The following YBX3 variants were observed in gnomAD, a reference collection of about 807,000 sequenced individuals.
YBX3 encodes Y-box binding protein 3, also known as Y-box-binding protein 3.
Under a neutral mutation model 42.4 loss-of-function variants are expected in YBX3, and 29 were observed. That is an observed-to-expected ratio of 0.68 (90% CI 0.51 to 0.93). The LOEUF (loss-of-function observed/expected upper bound fraction) is 0.93, where lower values mean the gene tolerates loss of function less well. Ranked by LOEUF, YBX3 falls within the 40% of genes least tolerant of loss-of-function variation. The pLI is 0.00. For synonymous variants in YBX3, 195 were observed against 189.8 expected (o/e 1.03, Z -0.22); for missense variants, 517 against 527.5 (o/e 0.98, Z 0.19).
intron 6 of YBX3, among the ~76,000 whole-genome samples, chr12:10,704,924 CTTTTCAATTTTTTAAAATTT>C (rs1381631590): frequency 3.9e-5 from 6 of 152,182 alleles, no homozygotes; most frequent in Non-Finnish European, 8.8e-5. Context: ...AGCACCCATC[CTTTTCAATTTTTTAAAATTT>C]TGAAATAAGC....
At chr12:10,717,543 A>G (rs979001615) in intron 3 of YBX3, among the ~76,000 whole-genome samples, 2 of 152,220 alleles carry the variant, frequency 1.3e-5, no homozygotes, top group Non-Finnish European at 2.9e-5. Context: ...TTTCCTGCAA[A>G]TCTAAGGGAA....
intron 4 of YBX3, among the ~76,000 whole-genome samples, chr12:10,713,688 C>T: frequency 6.6e-6 from 1 of 152,186 alleles, no homozygotes. Context: ...ACTTGAGATA[C>T]TGTTATTTTC....
Position 10,722,991 on chromosome 12 carries a change from G to A in YBX3, c.121C>T (p.Pro41Ser). ...APKSPVGSGA[P>S]QAAAPAPAAH... ...GCGGGCGCCGGGGCCGCGGCCTGGG[G>A]CGCACCGCTGCCCACCGGGCTCTTG... The change falls in exon 1 of 10, where the codon CCC (proline) becomes TCC (serine). Residue 41 changes from proline to serine, a missense_variant. Pro to Ser is a moderately conservative substitution (Grantham distance 74). Around this residue, in one of 3 missense-constraint regions of YBX3, gnomAD observed 86 missense variants for 82.5 expected, o/e 1.04. Transcript: ENST00000228251. 8.2e-7 allele frequency: 1 copy of A among 1,218,612 alleles called. No individual in the cohort carries two copies. 75.5% of individuals were successfully genotyped at this position (1,218,612 alleles called of 1,614,324 possible).
At chr12:10,709,022 G>C (rs1421888557) in intron 6 of YBX3, among the ~76,000 whole-genome samples, 1 of 152,160 alleles carries the variant, frequency 6.6e-6, no homozygotes, top group East Asian at 1.9e-4. Flanking sequence ...AAGTCTACTT[G>C]TTATTTTTAG....
Position 10,701,356 on chromosome 12 carries a change from A to G in YBX3, c.1054-3T>C. The stretch of plus-strand genomic sequence containing the variant: ...GTTGGTGCTTCACCTGCCTTGGCCT[A>G]AAATGCAAAACAAAGCCATAAATCA... On this transcript the variant is annotated splice_region_variant and splice_polypyrimidine_tract_variant and intron_variant, in intron 8 of 9. Transcript: ENST00000228251. 1.3e-6 allele frequency: 1 copy of G among 781,058 alleles called. No homozygotes were observed. Among genetic ancestry groups the G allele is most frequent in the Non-Finnish European group, 2.4e-6 (1 of 418,128 alleles). The allele number at this position is 781,058 out of a possible 1,614,324, so 48.4% of individuals were successfully genotyped here.
At chr12:10,712,543 T>G (rs959245319) in intron 5 of YBX3, 2 of 152,242 alleles carry the variant, frequency 1.3e-5, no homozygotes, top group African/African-American at 4.8e-5. Flanking sequence ...GCAAATTCGT[T>G]AATAGTTCTG....
At chr12:10,708,599 C>T (rs1264641377) in intron 6 of YBX3, among the ~76,000 whole-genome samples, 3 of 152,174 alleles carry the variant, frequency 2.0e-5, no homozygotes, top group Non-Finnish European at 1.5e-5. Flanking sequence ...AGGATCAAGA[C>T]AACTTTTACT....
At chr12:10,722,760 G>A in intron 1 of YBX3, 90 bp downstream of exon 1, 4 of 1,160,124 alleles carry the variant, frequency 3.4e-6, no homozygotes, top group Non-Finnish European at 4.4e-6. Context: ...AGCCCGGGTG[G>A]GAGATGTAGC....
chr12:10,713,965 T>C lies in YBX3; in HGVS notation c.451-632A>G, dbSNP rs116116528. 6.3e-3 allele frequency among the ~76,000 whole-genome samples: 967 copies of C among 152,326 alleles called. 7 individuals are homozygous for C. The highest frequency in any genetic ancestry group is 0.022 in the African/African-American group (899 of 41,572). On this transcript the variant is annotated intron_variant, in intron 4 of 9. Coordinates refer to ENST00000228251, the MANE Select transcript of YBX3 (RefSeq NM_003651.5). ...ATGTTTCAAAAATGTTAAAAAAATG[T>C]AGACCAAGAAGATTTCAGAGAGTGT... is the stretch of plus-strand genomic sequence containing the variant.
At chr12:10,715,661 G>T in intron 4 of YBX3, 33 bp downstream of exon 4, 1 of 1,565,834 alleles carries the variant, frequency 6.4e-7, no homozygotes, top group Non-Finnish European at 8.8e-7. Flanking sequence ...CTATGTGCCA[G>T]CACTTTGATA....
chr12:10,710,330 G>C, intron 5 of YBX3: 1 of 1,432,728 alleles, frequency 7.0e-7, no homozygotes, highest in Non-Finnish European at 9.1e-7. Flanking sequence ...AAAATACCAA[G>C]AAGCAGAAAA....
chr12:10,715,935 A>G, intron 3 of YBX3, 152 bp from the exon 4 acceptor site: 2 of 629,432 alleles, frequency 3.2e-6, no homozygotes, highest in Non-Finnish European at 5.6e-6. Context: ...CTCCAACACA[A>G]CAACAAGAAA....
rs908917735 is a variant in YBX3, at chr12:10,699,421, T to C, written c.*268A>G. On this transcript the variant is annotated 3_prime_UTR_variant, in exon 10 of 10. Transcript: ENST00000228251. ...ATAGAAACCTAGCGGTTGCTGAAAC[T>C]GGAGAGGCTACTCTCTTGTCTTCCG... 1.3e-5 allele frequency: 2 copies of C among 152,636 alleles called. No homozygotes were observed. The highest frequency in any genetic ancestry group is 2.9e-5 in the Non-Finnish European group (2 of 68,030). 9.5% of individuals were successfully genotyped at this position (152,636 alleles called of 1,614,324 possible). A position where few individuals can be genotyped will look rare whatever the true frequency, so the allele number is the denominator to read the frequency against.
chr12:10,713,880 C>T (rs1164464208), intron 4 of YBX3, among the ~76,000 whole-genome samples: 10 of 152,188 alleles, frequency 6.6e-5, no homozygotes, highest in Admixed American at 5.9e-4. Flanking sequence ...CCTTCTTTAG[C>T]CTTTCCTATT....
At chr12:10,718,401 G>C in intron 2 of YBX3, 1 of 330,816 alleles carries the variant, frequency 3.0e-6, no homozygotes, top group Non-Finnish European at 5.5e-6. Flanking sequence ...GAATCACATG[G>C]TGTGTAATCA....
intron 4 of YBX3, 63 bp downstream of exon 4, chr12:10,715,631 T>C (rs769957901): frequency 5.9e-5 from 82 of 1,385,796 alleles, no homozygotes; most frequent in Non-Finnish European, 7.7e-5. Context: ...GGCTGATAGA[T>C]AATTTATTGT....
Position 10,701,838 on chromosome 12 carries a change from A to G in YBX3, c.1053+122T>C. ...GCATACCCTATATATATGGATCTTGAGCAAAATGTTTTTATATTTGTTAAG... is the reference window on the plus strand; with the variant it reads ...GCATACCCTATATATATGGATCTTGGGCAAAATGTTTTTATATTTGTTAAG... On this transcript the variant is annotated intron_variant, in intron 8 of 9. Transcript: ENST00000228251. 3.4e-6 allele frequency: 4 copies of G among 1,190,780 alleles called. No homozygotes were observed. In the African/African-American group the frequency reaches 6.1e-5, roughly 18 times the overall value. The allele number at this position is 1,190,780 out of a possible 1,614,324, so 73.8% of individuals were successfully genotyped here. A position where few individuals can be genotyped will look rare whatever the true frequency, so the allele number is the denominator to read the frequency against.
chr12:10,723,063 G>T lies in YBX3; in HGVS notation c.49C>A (p.Gln17Lys), dbSNP rs2121007082. The change falls in exon 1 of 10, where the codon CAG becomes AAG. Residue 17 changes from glutamine (Q) to lysine (K), a missense_variant. Transcript: ENST00000228251. The part of the protein sequence containing the change: ...ATTTTTTTLP[Q>K]APTEAAAAAP... Reference sequence around the variant, plus strand: ...GCGGCGGCCGCCTCCGTCGGAGCCTGCGGGAGGGTGGTGGTGGTGGTGGTG... The same window carrying T: ...GCGGCGGCCGCCTCCGTCGGAGCCTTCGGGAGGGTGGTGGTGGTGGTGGTG... 1 of 1,209,692 alleles carries T rather than the reference G, an allele frequency of 8.3e-7. No homozygotes were observed. Among genetic ancestry groups the T allele is most frequent in the Non-Finnish European group, 1.0e-6 (1 of 975,422 alleles). The allele number at this position is 1,209,692 out of a possible 1,614,324, so 74.9% of individuals were successfully genotyped here.
At chr12:10,709,108 G>A (rs1382173011) in intron 6 of YBX3, among the ~76,000 whole-genome samples, 1 of 152,204 alleles carries the variant, frequency 6.6e-6, no homozygotes, top group Non-Finnish European at 1.5e-5. Flanking sequence ...TGATGGGACA[G>A]GAGAAGGGTA....
Sources: allele counts gnomAD v4.1 joint callset (sites outside exome capture counted in the v4.1 genomes callset), GRCh38; gene constraint gnomAD v4.1.1; regional missense constraint gnomAD v4.1.1; transcripts MANE v1.5; gene names NCBI Gene and HGNC (gene_info 2026-07-23, HGNC 2026-07-21).